The following LCORL variants were observed in gnomAD, a reference collection of about 807,000 sequenced individuals.
LCORL encodes ligand-dependent nuclear receptor corepressor-like protein.
Under a neutral mutation model 141.8 loss-of-function variants are expected in LCORL, and 41 were observed. The observed-to-expected ratio is 0.29, with a 90% CI of 0.23 to 0.38. The LOEUF (loss-of-function observed/expected upper bound fraction) is 0.38, where lower values mean the gene tolerates loss of function less well. Ranked by LOEUF, LCORL falls within the 10% of genes least tolerant of loss-of-function variation. The probability of loss-of-function intolerance (pLI) is 1.00; values close to 1 mark genes in which losing one functional copy is unlikely to be tolerated. For synonymous variants in LCORL, 618 were observed against 694.1 expected (o/e 0.89, Z 1.72); for missense variants, 1,759 against 2,035.0 (o/e 0.86, Z 2.61).
intron 5 of LCORL, among the ~76,000 whole-genome samples, chr4:17,902,101 T>C (rs1400681033): frequency 2.0e-5 from 3 of 151,916 alleles, no homozygotes; most frequent in Non-Finnish European, 2.9e-5. Context: ...TGAGAGTGTA[T>C]GACATATTTA....
exon 7 of LCORL, chr4:17,875,434 T>C: frequency 8.1e-7 from 1 of 1,231,440 alleles, no homozygotes; most frequent in Non-Finnish European, 1.0e-6. Flanking sequence ...TCTTCACTAA[T>C]ATTTCTGGGA....
intron 5 of LCORL, among the ~76,000 whole-genome samples, chr4:17,902,137 AGAC>A (rs976369297): frequency 5.9e-5 from 9 of 152,128 alleles, no homozygotes; most frequent in Non-Finnish European, 1.3e-4. Flanking sequence ...GCCAATATGA[AGAC>A]TAAAGAAAGA....
intron 1 of LCORL, among the ~76,000 whole-genome samples, chr4:17,983,399 AAAG>A (rs774135426): frequency 1.3e-5 from 2 of 152,224 alleles, no homozygotes; most frequent in Non-Finnish European, 1.5e-5. Flanking sequence ...ATCCATGAGC[AAAG>A]AAGGTTTTTC....
intron 4 of LCORL, among the ~76,000 whole-genome samples, chr4:17,949,027 T>C (rs1005716084): frequency 6.6e-6 from 1 of 152,124 alleles, no homozygotes; most frequent in Admixed American, 6.5e-5. Context: ...GTGTGTGTAC[T>C]GTCCAGCAAC....
chr4:17,947,515 G>C (rs1177942028), intron 4 of LCORL, among the ~76,000 whole-genome samples: 1 of 151,824 alleles, frequency 6.6e-6, no homozygotes, highest in Admixed American at 6.6e-5. Flanking sequence ...GTTAAAAATA[G>C]AGTACTATAC....
At chr4:17,843,899 C>G (rs759319801) in exon 8 of LCORL, 1 of 152,928 alleles carries the variant, frequency 6.5e-6, no homozygotes, top group African/African-American at 2.4e-5. Context: ...GCTTATCAAT[C>G]ACCAGTGAGG....
intron 1 of LCORL, among the ~76,000 whole-genome samples, chr4:17,989,950 C>T (rs1431827694): frequency 6.6e-6 from 1 of 152,132 alleles, no homozygotes; most frequent in Admixed American, 6.5e-5. Context: ...CTCTTACTGT[C>T]AGCCAAGGGC....
At chr4:17,901,387 A>T (rs977013779) in intron 5 of LCORL, among the ~76,000 whole-genome samples, 2 of 88,198 alleles carry the variant, frequency 2.3e-5, no homozygotes, top group South Asian at 4.8e-4. Flanking sequence ...AAAATGAAAT[A>T]AAAAAAAAAA....
In LCORL at chr4:17,856,783, T is replaced by C. The variant is rs138954629; in HGVS notation, c.5603-10882A>G. On this transcript the variant is annotated intron_variant, in intron 7 of 7. Coordinates refer to ENST00000635767, the Ensembl canonical transcript of LCORL. Reference sequence around the variant, plus strand: ...TACTCACAGTTTCAGTCATCAATGATAGCCTAGATGTCTCAACTCCATTCA... The same window carrying C: ...TACTCACAGTTTCAGTCATCAATGACAGCCTAGATGTCTCAACTCCATTCA... Among the ~76,000 whole-genome samples the C allele has an allele frequency of 2.4e-3, 370 of 152,294 alleles. 1 individual carries two copies. Among genetic ancestry groups the C allele is most frequent in the African/African-American group, 8.6e-3 (359 of 41,560 alleles).
intron 2 of LCORL, among the ~76,000 whole-genome samples, chr4:17,967,876 G>A (rs1715219139): frequency 1.5e-5 from 2 of 137,022 alleles, no homozygotes; most frequent in East Asian, 4.3e-4. Flanking sequence ...CTTTTTTTTT[G>A]AGATGGAGTT....
chr4:17,856,800 C>T (rs1365353740), intron 7 of LCORL, among the ~76,000 whole-genome samples: 1 of 152,174 alleles, frequency 6.6e-6, no homozygotes, highest in African/African-American at 2.4e-5. Context: ...GATGTCTCAA[C>T]TCCATTCATA....
In LCORL at chr4:18,021,224, C is replaced by T. The variant is rs547336620; in HGVS notation, c.154+374G>A. ...GCCCGCCGGCTCTCCTCCGCCAGGGCGCCGACCCACCGGGCCGCTTCCTCC... is the reference window on the plus strand; with the variant it reads ...GCCCGCCGGCTCTCCTCCGCCAGGGTGCCGACCCACCGGGCCGCTTCCTCC... On this transcript the variant is annotated intron_variant, in intron 1 of 7. Transcript: ENST00000635767. This position sits in a 1 kb window ranked among gnomAD's most constrained non-coding sequence, Gnocchi z 5.5. Among the ~76,000 whole-genome samples, 1 of 152,200 alleles carries T rather than the reference C, an allele frequency of 6.6e-6. No homozygotes were observed. The highest frequency in any genetic ancestry group is 1.5e-5 in the Non-Finnish European group (1 of 67,968).
At chr4:17,977,570 A>G (rs144471832) in intron 1 of LCORL, among the ~76,000 whole-genome samples, 1 of 152,352 alleles carries the variant, frequency 6.6e-6, no homozygotes, top group East Asian at 1.9e-4. Flanking sequence ...ACCTCTGTTC[A>G]AATCATTTGC....
intron 1 of LCORL, among the ~76,000 whole-genome samples, chr4:17,981,580 T>TA (rs760749649): frequency 4.0e-5 from 6 of 151,688 alleles, no homozygotes; most frequent in Non-Finnish European, 7.4e-5. Context: ...TCTCTCTCTA[T>TA]AAAAAAAATT....
intron 6 of LCORL, chr4:17,881,965 A>G (rs1025730878): frequency 1.4e-5 from 14 of 977,898 alleles, no homozygotes; most frequent in Non-Finnish European, 1.7e-5. Flanking sequence ...TCTATTATGT[A>G]TATTTTCTTG....
At chr4:17,851,992 T>C (rs1033919933) in intron 7 of LCORL, among the ~76,000 whole-genome samples, 4 of 152,194 alleles carry the variant, frequency 2.6e-5, no homozygotes, top group Admixed American at 2.6e-4. Flanking sequence ...TAGTATAATG[T>C]TTTTCTTGTG....
chr4:17,928,042 T>G (rs569528131), intron 4 of LCORL, among the ~76,000 whole-genome samples: 1 of 152,220 alleles, frequency 6.6e-6, no homozygotes, highest in African/African-American at 2.4e-5. Flanking sequence ...AGTAACACAT[T>G]AAAAAGAATT....
At chr4:18,000,090 T>G (rs1237625391) in intron 1 of LCORL, among the ~76,000 whole-genome samples, 1 of 151,026 alleles carries the variant, frequency 6.6e-6, no homozygotes, top group Non-Finnish European at 1.5e-5. Context: ...AGAGAGTAAC[T>G]AAGTTTATTA....
At chr4:17,993,677 C>A (rs1370962464) in intron 1 of LCORL, among the ~76,000 whole-genome samples, 2 of 152,058 alleles carry the variant, frequency 1.3e-5, no homozygotes, top group Non-Finnish European at 2.9e-5. Flanking sequence ...GCCAAATGAA[C>A]CATGGAAAGT....
Sources: gnomAD v4.1 joint callset for allele counts (sites outside exome capture counted in the v4.1 genomes callset) on GRCh38, gnomAD v4.1.1 for gene constraint, Gnocchi (gnomAD v3.1) non-coding constraint, MANE v1.5 for transcripts, NCBI Gene and HGNC (gene_info 2026-07-23, HGNC 2026-07-21) for gene names.